The following CCDC178 variants were observed in gnomAD, a reference collection of about 807,000 sequenced individuals.
CCDC178 encodes the protein coiled-coil domain-containing protein 178.
Under a neutral mutation model 117.4 loss-of-function variants are expected in CCDC178, and 126 were observed. The ratio of observed to expected loss-of-function variants is 1.07; its 90% CI spans 0.93 to 1.24. The LOEUF (loss-of-function observed/expected upper bound fraction) is 1.24, where lower values mean the gene tolerates loss of function less well. Ranked by LOEUF, CCDC178 falls within the 50% of genes most tolerant of loss-of-function variation. The pLI is 0.00. For missense variants in CCDC178, 1,030 were observed against 986.9 expected, an observed-to-expected ratio of 1.04 and a Z score of -0.59; for synonymous variants, 283 against 313.4, an observed-to-expected ratio of 0.90 and a Z score of 1.02.
At chr18:33,371,663 T>C (rs1460673898) in intron 5 of CCDC178, among the ~76,000 whole-genome samples, 1 of 151,998 alleles carries the variant, frequency 6.6e-6, no homozygotes, top group Non-Finnish European at 1.5e-5. Flanking sequence ...TCCTTCATAA[T>C]ATCAGTGCTG....
intron 9 of CCDC178, among the ~76,000 whole-genome samples, chr18:33,335,229 C>T (rs1269671191): frequency 6.6e-6 from 1 of 151,872 alleles, no homozygotes; most frequent in African/African-American, 2.4e-5. Context: ...TAATTAAGTC[C>T]CTCTTTTTGA....
chr18:33,245,537 A>C (rs1030953951), intron 14 of CCDC178, 109 bp from the exon 15 acceptor site: 111 of 1,147,874 alleles, frequency 9.7e-5, no homozygotes, highest in Non-Finnish European at 1.2e-4. Flanking sequence ...AAAATACAAA[A>C]TTGCTGGATA....
chr18:33,401,451 A>C (rs942169264), intron 3 of CCDC178, among the ~76,000 whole-genome samples: 1 of 152,144 alleles, frequency 6.6e-6, no homozygotes, highest in Middle Eastern at 3.2e-3. Flanking sequence ...GGTTCAAATA[A>C]ATTCATGCTC....
chr18:33,344,718 G>GAACAGAGTCT (rs1310143649), intron 9 of CCDC178, among the ~76,000 whole-genome samples: 2 of 151,338 alleles, frequency 1.3e-5, no homozygotes, highest in Non-Finnish European at 2.9e-5. Context: ...CTGTTGTTGT[G>GAACAGAGTCT]AACAGAGTCT....
intron 21 of CCDC178, among the ~76,000 whole-genome samples, chr18:33,012,456 C>A (rs1270468690): frequency 6.6e-6 from 1 of 152,044 alleles, no homozygotes; most frequent in African/African-American, 2.4e-5. Flanking sequence ...ATGATTTTTG[C>A]CAGCTATTAA....
chr18:32,947,374 C>A (rs1432647386), intron 22 of CCDC178, among the ~76,000 whole-genome samples: 1 of 152,132 alleles, frequency 6.6e-6, no homozygotes, highest in Non-Finnish European at 1.5e-5. Context: ...TTAATATGAT[C>A]AGTATTTTAA....
chr18:33,229,894 A>T (rs537798140), intron 15 of CCDC178, among the ~76,000 whole-genome samples: 1 of 152,274 alleles, frequency 6.6e-6, no homozygotes, highest in African/African-American at 2.4e-5. Context: ...CTAGAAACTT[A>T]TGGGCTCCTG....
chr18:33,145,743 T>A (rs1423924239), intron 20 of CCDC178, among the ~76,000 whole-genome samples: 1 of 152,180 alleles, frequency 6.6e-6, no homozygotes, highest in Non-Finnish European at 1.5e-5. Context: ...TCTCTTCTAC[T>A]GTCAAGGAGA....
rs1422465169 is a variant in CCDC178 at position 33,111,498 on chromosome 18, T to G, written c.2239-18588A>C. Reference sequence around the variant, plus strand: ...TTCATTTTTCTGTTAATGTGATACATTATATTTACTGAAAATTTTAAAGGC... The same window carrying G: ...TTCATTTTTCTGTTAATGTGATACAGTATATTTACTGAAAATTTTAAAGGC... On this transcript the variant is annotated intron_variant, in intron 20 of 22. Transcript: ENST00000383096. Among the ~76,000 whole-genome samples, 3 of 151,716 alleles carry G rather than the reference T, an allele frequency of 2.0e-5. No homozygotes were observed. In the East Asian group the frequency reaches 5.8e-4, roughly 29 times the overall value.
intron 5 of CCDC178, among the ~76,000 whole-genome samples, chr18:33,372,609 T>C (rs1010577454): frequency 6.6e-6 from 1 of 152,090 alleles, no homozygotes; most frequent in Admixed American, 6.6e-5. Flanking sequence ...CCAACTTCCT[T>C]GCCCAGAATT....
chr18:33,400,767 T>C (rs773280292), intron 3 of CCDC178, among the ~76,000 whole-genome samples: 2 of 152,180 alleles, frequency 1.3e-5, no homozygotes, highest in African/African-American at 4.8e-5. Context: ...TTCACTGGAG[T>C]AGCACGTTTA....
chr18:33,129,167 T>A (rs2058042385), intron 20 of CCDC178, among the ~76,000 whole-genome samples: 1 of 152,112 alleles, frequency 6.6e-6, no homozygotes, highest in Non-Finnish European at 1.5e-5. Context: ...TACATGAAAC[T>A]TTTGAGTTAA....
chr18:33,438,964 T>C (rs1465074357), intron 2 of CCDC178, among the ~76,000 whole-genome samples: 1 of 152,212 alleles, frequency 6.6e-6, no homozygotes, highest in East Asian at 1.9e-4. Flanking sequence ...TCCTGTTTTG[T>C]GTGTAATTGT....
intron 5 of CCDC178, among the ~76,000 whole-genome samples, chr18:33,386,701 T>C (rs913871045): frequency 6.6e-6 from 1 of 152,162 alleles, no homozygotes; most frequent in Non-Finnish European, 1.5e-5. Context: ...AAATTAGGTA[T>C]TGAAGGAACA....
chr18:33,381,723 T>C (rs1371481064), intron 5 of CCDC178, among the ~76,000 whole-genome samples: 1 of 152,216 alleles, frequency 6.6e-6, no homozygotes, highest in Non-Finnish European at 1.5e-5. Context: ...GTCAAAATAT[T>C]GAAGATATCT....
At position 33,267,263 on chromosome 18, in the gene CCDC178, G is replaced by T. The variant is rs780910171; in HGVS notation, c.1211C>A (p.Thr404Asn). ...EDLRRVYDQL[T>N]WKQKSHENQY... ...ATTTTCATGACTTTTTTGCTTCCAG[G>T]TTAGTTGGTCATAAACTCTTCTCAA... is the stretch of plus-strand genomic sequence containing the variant. The change falls in exon 13 of 23, where the codon ACC becomes AAC. Residue 404 changes from threonine to asparagine, a missense_variant. Thr to Asn is a moderately conservative substitution (Grantham distance 65, BLOSUM62 0). Transcript: ENST00000383096. 21 of 1,605,076 alleles carry T rather than the reference G, an allele frequency of 1.3e-5. No homozygotes were observed. The highest frequency in any genetic ancestry group is 6.9e-5 in the Admixed American group (4 of 57,620).
At chr18:33,208,627 T>C (rs914422858) in intron 20 of CCDC178, among the ~76,000 whole-genome samples, 6 of 152,016 alleles carry the variant, frequency 3.9e-5, no homozygotes, top group Non-Finnish European at 5.9e-5. Flanking sequence ...GAGTGACCAA[T>C]AGGAGAATAA....
At chr18:33,119,322 GA>G (rs1395715667) in intron 20 of CCDC178, among the ~76,000 whole-genome samples, 1 of 151,992 alleles carries the variant, frequency 6.6e-6, no homozygotes, top group Non-Finnish European at 1.5e-5. Flanking sequence ...AATCTACAAA[GA>G]ACTTAAACAA....
intron 12 of CCDC178, among the ~76,000 whole-genome samples, chr18:33,282,355 C>T (rs964794142): frequency 6.6e-5 from 10 of 152,130 alleles, no homozygotes; most frequent in African/African-American, 2.4e-4. Flanking sequence ...GGGTTGGCCA[C>T]CATACCTCTA....
Sources: gnomAD v4.1 joint callset for allele counts (sites outside exome capture counted in the v4.1 genomes callset) on GRCh38, gnomAD v4.1.1 for gene constraint, MANE v1.5 for transcripts, NCBI Gene and HGNC (gene_info 2026-07-23, HGNC 2026-07-21) for gene names.